The following NLGN1 variants were observed in gnomAD, a reference collection of about 807,000 sequenced individuals.
NLGN1 encodes the protein neuroligin-1.
Under a neutral mutation model 65.5 loss-of-function variants are expected in NLGN1, and 12 were observed. The ratio of observed to expected loss-of-function variants is 0.18; its 90% confidence interval spans 0.12 to 0.30. The LOEUF (loss-of-function observed/expected upper bound fraction) is 0.30, where lower values mean the gene tolerates loss of function less well. NLGN1 is among the 10% of genes least tolerant of loss of function. NLGN1 has a pLI of 1.00. For missense variants in NLGN1, 750 were observed against 1,007.1 expected, an observed-to-expected ratio of 0.74 and a Z score of 3.46; for synonymous variants, 350 against 359.5, an observed-to-expected ratio of 0.97 and a Z score of 0.30.
At chr3:173,901,293 A>G (rs1401776587) in intron 4 of NLGN1, among the ~76,000 whole-genome samples, 1 of 151,202 alleles carries the variant, frequency 6.6e-6, no homozygotes, top group African/African-American at 2.4e-5. Flanking sequence ...TAATACATAG[A>G]CAAGTTTCTG....
chr3:174,123,872 C>T (rs1718300607), intron 4 of NLGN1, among the ~76,000 whole-genome samples: 5 of 152,228 alleles, frequency 3.3e-5, no homozygotes, highest in South Asian at 2.1e-4. Flanking sequence ...CCTCCAGATA[C>T]GTTGATGCAT....
chr3:173,585,062 G>A (rs1747123796), intron 2 of NLGN1: 1 of 152,206 alleles, frequency 6.6e-6, no homozygotes, highest in Non-Finnish European at 1.5e-5. Flanking sequence ...TTATTGGGAG[G>A]GGGCTGCCAG....
intron 4 of NLGN1, among the ~76,000 whole-genome samples, chr3:174,248,082 C>G (rs1357960330): frequency 1.3e-5 from 2 of 152,186 alleles, no homozygotes; most frequent in African/African-American, 4.8e-5. Context: ...CACCAGATTT[C>G]TAGCTCCAAC....
chr3:173,502,665 C>T (rs533845654), intron 2 of NLGN1, among the ~76,000 whole-genome samples: 7 of 152,158 alleles, frequency 4.6e-5, no homozygotes, highest in East Asian at 1.9e-4. Flanking sequence ...TTAGGTACTA[C>T]AAGACATGTA....
At chr3:174,030,953 T>C (rs1729902384) in intron 4 of NLGN1, among the ~76,000 whole-genome samples, 1 of 152,186 alleles carries the variant, frequency 6.6e-6, no homozygotes. Context: ...GCCACACATC[T>C]TAAGTACCTG....
intron 4 of NLGN1, among the ~76,000 whole-genome samples, chr3:173,989,310 G>A (rs1579603125): frequency 6.6e-6 from 1 of 152,266 alleles, no homozygotes; most frequent in Middle Eastern, 3.4e-3. Context: ...CCTTAGCTAA[G>A]AGACCTTGAA....
chr3:173,956,688 G>A (rs550055057), intron 4 of NLGN1, among the ~76,000 whole-genome samples: 1 of 152,136 alleles, frequency 6.6e-6, no homozygotes, highest in East Asian at 1.9e-4. Flanking sequence ...TTTTATGTAT[G>A]GATATGATAG....
intron 3 of NLGN1, among the ~76,000 whole-genome samples, chr3:173,734,339 A>ATTGAGAATT (rs1249866124): frequency 7.2e-6 from 1 of 138,442 alleles, no homozygotes; most frequent in Non-Finnish European, 1.5e-5. Flanking sequence ...TTTTCAGTCT[A>ATTGAGAATT]TTGAGAATTA....
intron 4 of NLGN1, among the ~76,000 whole-genome samples, chr3:173,860,930 T>C (rs1159038982): frequency 6.6e-6 from 1 of 152,194 alleles, no homozygotes; most frequent in African/African-American, 2.4e-5. Context: ...GGGACAGATG[T>C]ATGAGACCAT....
chr3:173,516,976 C>T (rs1418835619), intron 2 of NLGN1, among the ~76,000 whole-genome samples: 1 of 152,018 alleles, frequency 6.6e-6, no homozygotes, highest in Admixed American at 6.6e-5. Context: ...TTACTATCAT[C>T]ACTCTGTACT....
chr3:173,590,864 C>G (rs1461897161), intron 2 of NLGN1, among the ~76,000 whole-genome samples: 1 of 152,088 alleles, frequency 6.6e-6, no homozygotes, highest in Non-Finnish European at 1.5e-5. Flanking sequence ...ATATACTTCA[C>G]TTTGATAAAT....
chr3:174,267,422 A>C (rs935492340), intron 4 of NLGN1, among the ~76,000 whole-genome samples: 14 of 152,162 alleles, frequency 9.2e-5, no homozygotes, highest in African/African-American at 3.4e-4. Flanking sequence ...GATTGGGAGG[A>C]AACAGATATC....
intron 2 of NLGN1, among the ~76,000 whole-genome samples, chr3:173,525,011 T>C (rs1172011574): frequency 1.3e-5 from 2 of 152,214 alleles, no homozygotes; most frequent in Admixed American, 1.3e-4. Context: ...TCATCAGGGA[T>C]ATTGTCCTAC....
At chr3:174,152,846 C>A (rs1021603741) in intron 4 of NLGN1, among the ~76,000 whole-genome samples, 3 of 152,072 alleles carry the variant, frequency 2.0e-5, no homozygotes, top group African/African-American at 7.2e-5. Flanking sequence ...CCTAAACCAT[C>A]CACATCTGTC....
intron 4 of NLGN1, among the ~76,000 whole-genome samples, chr3:173,871,892 G>A (rs568678948): frequency 2.0e-5 from 3 of 152,212 alleles, no homozygotes; most frequent in African/African-American, 7.2e-5. Context: ...TTAAGATTTG[G>A]GTGACATTCA....
chr3:174,181,804 CACATAT>C (rs1730468684), intron 4 of NLGN1, among the ~76,000 whole-genome samples: 1 of 150,356 alleles, frequency 6.7e-6, no homozygotes, highest in Non-Finnish European at 1.5e-5. Context: ...CACACACACA[CACATAT>C]GTATGTACAC....
chr3:174,015,480 A>G (rs1197468026), intron 4 of NLGN1, among the ~76,000 whole-genome samples: 1 of 152,154 alleles, frequency 6.6e-6, no homozygotes, highest in Non-Finnish European at 1.5e-5. Flanking sequence ...TAATCCTCTC[A>G]TGAGGGCCCC....
chr3:173,560,226 G>A (rs1439752589), intron 2 of NLGN1, among the ~76,000 whole-genome samples: 3 of 151,950 alleles, frequency 2.0e-5, no homozygotes, highest in African/African-American at 4.8e-5. Context: ...GAGCCACCGC[G>A]CCCAGCCTAG....
intron 4 of NLGN1, among the ~76,000 whole-genome samples, chr3:173,826,032 T>C (rs2150562673): frequency 6.6e-6 from 1 of 152,188 alleles, no homozygotes; most frequent in African/African-American, 2.4e-5. Context: ...AATGTAGTTT[T>C]TTTTAACAAC....
Sources: gnomAD v4.1 joint callset for allele counts (sites outside exome capture counted in the v4.1 genomes callset) on GRCh38, gnomAD v4.1.1 for gene constraint, MANE v1.5 for transcripts, NCBI Gene and HGNC (gene_info 2026-07-23, HGNC 2026-07-21) for gene names.